The following PDE7B variants were observed in gnomAD, a reference collection of about 807,000 sequenced individuals.
PDE7B encodes the protein phosphodiesterase 7B.
A neutral mutation model predicts 56.2 loss-of-function variants in PDE7B; 29 were observed. The ratio of observed to expected loss-of-function variants is 0.52; its 90% CI spans 0.38 to 0.70. The LOEUF (loss-of-function observed/expected upper bound fraction) is 0.70, where lower values mean the gene tolerates loss of function less well. Among genes scored for constraint, PDE7B ranks in the 30% least tolerant of loss-of-function variants. The pLI, the probability that PDE7B is intolerant of heterozygous loss-of-function variation, is 0.00. For synonymous variants in PDE7B, 197 were observed against 196.9 expected (o/e 1.00, Z 0.00); for missense variants, 490 against 565.0 (o/e 0.87, Z 1.35).
chr6:135,890,288 A>G (rs1775787935), intron 1 of PDE7B, among the ~76,000 whole-genome samples: 1 of 152,188 alleles, frequency 6.6e-6, no homozygotes, highest in Admixed American at 6.5e-5. Context: ...ATTATTCTTT[A>G]CTCTCTGATT....
intron 8 of PDE7B, among the ~76,000 whole-genome samples, 185 bp from the exon 9 acceptor site, chr6:136,173,612 C>T (rs1221332779): frequency 6.6e-6 from 1 of 152,188 alleles, no homozygotes. Context: ...CTCCCATCAT[C>T]ATCACAGCCT....
rs747343718 is a variant in PDE7B at position 135,931,949 on chromosome 6, GCGCGCACACA to G, written c.22-15513_22-15504del. 3.2e-3 allele frequency among the ~76,000 whole-genome samples: 198 copies of G among 62,164 alleles called. 1 individual carries two copies. The highest frequency in any genetic ancestry group is 0.017 in the African/African-American group (176 of 10,646). The allele number at this position is 62,164 out of a possible 152,430, so 40.8% of individuals were successfully genotyped here. The stretch of plus-strand genomic sequence containing the variant: ...TTTGTTACCGCGCACACACACACGC[GCGCGCACACA>G]CACACACACACACACACACACACAT... On this transcript the variant is annotated intron_variant, in intron 1 of 12. Transcript: ENST00000308191.
chr6:136,155,759 G>A lies in PDE7B; in HGVS notation c.711+1G>A. The A allele has an allele frequency of 6.2e-7, 1 of 1,614,002 alleles. No individual in the cohort carries two copies. The highest frequency in any genetic ancestry group is 8.5e-7 in the Non-Finnish European group (1 of 1,179,966). On this transcript the variant is annotated splice_donor_variant, in intron 8 of 12. Transcript: ENST00000308191. LOFTEE classifies it high-confidence loss of function. ...CCACCATCTTGCAAACCTATATCAG[G>A]TAAGGGAGCCCAACCTGGAGCCAGC...
intron 2 of PDE7B, among the ~76,000 whole-genome samples, chr6:136,097,327 C>G (rs1777485431): frequency 6.6e-6 from 1 of 152,134 alleles, no homozygotes; most frequent in African/African-American, 2.4e-5. Context: ...TTCCCTTTTT[C>G]TGTGACTAGC....
chr6:135,852,066 T>G, intron 1 of PDE7B, 47 bp downstream of exon 1: 1 of 1,344,046 alleles, frequency 7.4e-7, no homozygotes, highest in Non-Finnish European at 1.1e-6. Context: ...CTTGAGAGAA[T>G]AGAGTCACAG....
intron 2 of PDE7B, among the ~76,000 whole-genome samples, chr6:136,020,702 T>G (rs986836440): frequency 1.3e-5 from 2 of 152,200 alleles, no homozygotes; most frequent in African/African-American, 2.4e-5. Context: ...TGCTATGGTC[T>G]CTAAATAAGC....
chr6:135,864,637 T>A (rs1018306671), intron 1 of PDE7B, among the ~76,000 whole-genome samples: 27 of 152,154 alleles, frequency 1.8e-4, no homozygotes, highest in African/African-American at 6.0e-4. Context: ...TGTTTTGCCA[T>A]GATTACTTAG....
intron 3 of PDE7B, among the ~76,000 whole-genome samples, chr6:136,129,602 C>A (rs1373501297): frequency 2.0e-5 from 3 of 152,208 alleles, no homozygotes; most frequent in East Asian, 3.9e-4. Context: ...GAAGCTGTAA[C>A]TTCCTCATCT....
chr6:135,879,903 A>G lies in PDE7B; in HGVS notation c.21+27884A>G, dbSNP rs531082631. Among the ~76,000 whole-genome samples, 12 of 152,330 alleles carry G rather than the reference A, an allele frequency of 7.9e-5. No homozygotes were observed. The South Asian group carries it at 1.9e-3, about 24-fold the overall frequency. On this transcript the variant is annotated intron_variant, in intron 1 of 12. Transcript: ENST00000308191. ...ATGCTTGCTGATACAAAGAACTCTT[A>G]GACATTGGGAATGATATAAATCTAA...
intron 2 of PDE7B, among the ~76,000 whole-genome samples, chr6:136,086,505 AT>A (rs138995677): frequency 1.3e-5 from 2 of 152,262 alleles, no homozygotes; most frequent in East Asian, 3.9e-4. Context: ...CCCTTATTCT[AT>A]CTGCTGTTTT....
intron 2 of PDE7B, among the ~76,000 whole-genome samples, chr6:136,047,030 G>A (rs1776521411): frequency 6.6e-6 from 1 of 152,226 alleles, no homozygotes; most frequent in African/African-American, 2.4e-5. Context: ...ATGGCCCACG[G>A]ACATACATCA....
intron 2 of PDE7B, among the ~76,000 whole-genome samples, chr6:136,102,250 A>G (rs1317846638): frequency 6.7e-6 from 1 of 149,660 alleles, no homozygotes; most frequent in East Asian, 2.0e-4. Context: ...AAAAATACCA[A>G]CAATTAAGGA....
At chr6:135,853,369 C>T (rs1333857497) in intron 1 of PDE7B, among the ~76,000 whole-genome samples, 1 of 152,128 alleles carries the variant, frequency 6.6e-6, no homozygotes. Flanking sequence ...GAGGATGTGC[C>T]GTGAATGGAC....
rs1015882364 is a variant in PDE7B, at chr6:135,861,814, G to A, written c.21+9795G>A. Among the ~76,000 whole-genome samples the A allele has an allele frequency of 8.8e-4, 133 of 151,696 alleles. 1 individual carries two copies. Among genetic ancestry groups the A allele is most frequent in the African/African-American group, 3.1e-3 (130 of 41,448 alleles). On this transcript the variant is annotated intron_variant, in intron 1 of 12. Transcript: ENST00000308191. ...TAATTTCTGTCAGTAATATCTTCTGGCTAGCTTTTGGTCATTTTACATATT... is the reference window on the plus strand; with the variant it reads ...TAATTTCTGTCAGTAATATCTTCTGACTAGCTTTTGGTCATTTTACATATT...
chr6:136,153,724 A>G (rs1778561293), intron 6 of PDE7B, among the ~76,000 whole-genome samples: 2 of 152,166 alleles, frequency 1.3e-5, no homozygotes, highest in Non-Finnish European at 2.9e-5. Flanking sequence ...CAGAAACTCA[A>G]TTAAACTATA....
In PDE7B at chr6:135,902,331, GTT is replaced by G. The variant is rs66648278; in HGVS notation, c.22-45121_22-45120del. Among the ~76,000 whole-genome samples, 756 of 147,766 alleles carry G rather than the reference GTT, an allele frequency of 5.1e-3. 1 individual carries two copies. The highest frequency in any genetic ancestry group is 0.011 in the South Asian group (53 of 4,628). On this transcript the variant is annotated intron_variant, in intron 1 of 12. Transcript: ENST00000308191. Reference sequence around the variant, plus strand: ...GCAAGTTTTGGCTCATTATGTGAAGGTTTTTTTTTTTTTCTTTTTTTAAAGAA... The same window carrying G: ...GCAAGTTTTGGCTCATTATGTGAAGGTTTTTTTTTTTCTTTTTTTAAAGAA...
At chr6:136,043,942 A>G (rs1776455596) in intron 2 of PDE7B, 2 of 152,132 alleles carry the variant, frequency 1.3e-5, no homozygotes, top group South Asian at 4.1e-4. Context: ...ATCTGGCACG[A>G]ACTCATTTTT....
At chr6:136,086,625 T>A (rs1777296491) in intron 2 of PDE7B, among the ~76,000 whole-genome samples, 1 of 152,160 alleles carries the variant, frequency 6.6e-6, no homozygotes, top group African/African-American at 2.4e-5. Context: ...CTTTCCCCCA[T>A]CAACACATCC....
intron 2 of PDE7B, among the ~76,000 whole-genome samples, chr6:135,961,654 G>A (rs748046949): frequency 1.7e-4 from 26 of 152,028 alleles, no homozygotes; most frequent in Non-Finnish European, 3.2e-4. Flanking sequence ...ATTCTTTGTT[G>A]AACACTTGAA....
Sources: allele counts gnomAD v4.1 joint callset (sites outside exome capture counted in the v4.1 genomes callset), GRCh38; gene constraint gnomAD v4.1.1; transcripts MANE v1.5; gene names NCBI Gene and HGNC (gene_info 2026-07-23, HGNC 2026-07-21).